The following KALRN variants were observed in gnomAD, a reference collection of about 807,000 sequenced individuals.
The protein encoded by KALRN is kalirin.
KALRN carries 70 observed loss-of-function variants against 353.7 expected under a neutral mutation model. The ratio of observed to expected loss-of-function variants is 0.20; its 90% CI spans 0.16 to 0.24. KALRN has a LOEUF of 0.24. Among genes scored for constraint, KALRN ranks in the 10% least tolerant of loss-of-function variants. KALRN has a pLI of 1.00. For missense variants in KALRN, 2,791 were observed against 3,756.7 expected (o/e 0.74, Z 6.72); for synonymous variants, 1,391 against 1,434.8 (o/e 0.97, Z 0.69).
At chr3:124,540,398 C>A (rs1380886230) in intron 33 of KALRN, among the ~76,000 whole-genome samples, 1 of 152,126 alleles carries the variant, frequency 6.6e-6, no homozygotes, top group Non-Finnish European at 1.5e-5. Flanking sequence ...TTAAAGAAAT[C>A]TGTCGTGTAG....
intron 57 of KALRN, among the ~76,000 whole-genome samples, chr3:124,712,201 A>G (rs2062923082): frequency 1.3e-5 from 2 of 152,186 alleles, no homozygotes; most frequent in Non-Finnish European, 2.9e-5. Flanking sequence ...ACCTATTGAA[A>G]TTAAAAAACA....
At chr3:124,653,025 A>C (rs1370088466) in intron 38 of KALRN, among the ~76,000 whole-genome samples, 1 of 152,184 alleles carries the variant, frequency 6.6e-6, no homozygotes, top group Non-Finnish European at 1.5e-5. Context: ...GCCAAAATCC[A>C]CACCTCTTCA....
At chr3:124,516,403 T>C (rs574636482) in intron 33 of KALRN, among the ~76,000 whole-genome samples, 19 of 152,264 alleles carry the variant, frequency 1.2e-4, no homozygotes, top group South Asian at 8.3e-4. Context: ...CTCCATGAGG[T>C]TGTGGTGCAG....
At chr3:124,608,548 C>T (rs1287809887) in intron 34 of KALRN, among the ~76,000 whole-genome samples, 1 of 152,106 alleles carries the variant, frequency 6.6e-6, no homozygotes, top group East Asian at 1.9e-4. Context: ...TCCCCTCCCT[C>T]CTGATAGTCT....
At position 124,302,887 on chromosome 3, in the gene KALRN, G is replaced by A. The variant is rs189175789; in HGVS notation, c.1092+3974G>A. ...TCTTAACCTCCTCTTTTTATGTAAA[G>A]ATACCACTCAGACTGGATTAGATCC... On this transcript the variant is annotated intron_variant, in intron 6 of 59. Coordinates refer to ENST00000682506, the MANE Select transcript of KALRN (RefSeq NM_001388419.1). 3.5e-3 allele frequency among the ~76,000 whole-genome samples: 537 copies of A among 152,224 alleles called. 5 individuals are homozygous for A. Among genetic ancestry groups the A allele is most frequent in the African/African-American group, 0.012 (518 of 41,530 alleles).
chr3:124,429,523 A>G (rs577594655), intron 15 of KALRN, among the ~76,000 whole-genome samples: 2 of 152,228 alleles, frequency 1.3e-5, no homozygotes, highest in East Asian at 3.9e-4. Flanking sequence ...CTCCAAGAAA[A>G]CTCTCAGACT....
intron 11 of KALRN, among the ~76,000 whole-genome samples, chr3:124,390,716 G>A (rs1409847401): frequency 3.3e-5 from 5 of 152,102 alleles, no homozygotes; most frequent in African/African-American, 1.2e-4. Flanking sequence ...ATCAATTGTT[G>A]TCAGCACAGT....
intron 33 of KALRN, among the ~76,000 whole-genome samples, chr3:124,555,460 A>AATAAATAT (rs1554029545): frequency 1.6e-4 from 23 of 144,744 alleles, no homozygotes; most frequent in African/African-American, 5.8e-4. Context: ...TAAATAAATA[A>AATAAATAT]ATAAAGTTAT....
chr3:124,599,914 T>C (rs2076634607), intron 34 of KALRN, among the ~76,000 whole-genome samples: 1 of 152,054 alleles, frequency 6.6e-6, no homozygotes, highest in South Asian at 2.1e-4. Context: ...TCTGCCAGAG[T>C]GTCTATGGGT....
At chr3:124,602,143 C>G (rs2076875602) in intron 34 of KALRN, among the ~76,000 whole-genome samples, 1 of 152,050 alleles carries the variant, frequency 6.6e-6, no homozygotes, top group African/African-American at 2.4e-5. Context: ...GACATTTTGG[C>G]TAAATATACT....
At position 124,584,749 on chromosome 3, in the gene KALRN, T is replaced by C. The variant is rs548224517; in HGVS notation, c.5182+21660T>C. 1.1e-5 allele frequency: 17 copies of C among 1,531,574 alleles called. No individual in the cohort carries two copies. In the African/African-American group the frequency reaches 2.1e-4, roughly 19 times the overall value. 94.9% of individuals were successfully genotyped at this position (1,531,574 alleles called of 1,614,324 possible). On this transcript the variant is annotated intron_variant, in intron 34 of 59. Coordinates refer to ENST00000682506, the MANE Select transcript of KALRN (RefSeq NM_001388419.1). The stretch of plus-strand genomic sequence containing the variant: ...CGGCTCTCGGGCGGCGGCGCTGAAG[T>C]TTCCTTCCCGCCGCGCTCTCACCCC...
chr3:124,614,136 A>C (rs2078292301), intron 34 of KALRN, among the ~76,000 whole-genome samples: 1 of 152,226 alleles, frequency 6.6e-6, no homozygotes, highest in Non-Finnish European at 1.5e-5. Flanking sequence ...GTGCCCACAA[A>C]GGCTAAAATG....
chr3:124,151,908 C>G, intron 1 of KALRN: 1 of 668,932 alleles, frequency 1.5e-6, no homozygotes, highest in Non-Finnish European at 2.6e-6. Flanking sequence ...AATTTGAGAG[C>G]AGGTACTGTT....
intron 13 of KALRN, among the ~76,000 whole-genome samples, chr3:124,407,998 C>T (rs1381517781): frequency 2.0e-4 from 31 of 152,140 alleles, no homozygotes; most frequent in Non-Finnish European, 2.9e-5. Context: ...TGGGCTCGAT[C>T]TCCTGACCTC....
chr3:124,177,808 A>T (rs1314758518), intron 1 of KALRN, among the ~76,000 whole-genome samples: 1 of 152,182 alleles, frequency 6.6e-6, no homozygotes, highest in Non-Finnish European at 1.5e-5. Flanking sequence ...AGTGGCCAGT[A>T]GCCCAGAAGT....
chr3:124,571,866 A>C (rs749599718), intron 34 of KALRN, among the ~76,000 whole-genome samples: 30 of 151,482 alleles, frequency 2.0e-4, no homozygotes, highest in Non-Finnish European at 3.4e-4. Context: ...GAGCTCAAGC[A>C]ATCTGCCTGC....
rs190536800 is a variant in KALRN, at chr3:124,385,439, A to C, written c.1962+403A>C. Among the ~76,000 whole-genome samples, 270 of 152,372 alleles carry C rather than the reference A, an allele frequency of 1.8e-3. 6 individuals are homozygous for C. In the South Asian group the frequency reaches 0.029, roughly 16 times the overall value. On this transcript the variant is annotated intron_variant, in intron 11 of 59. Transcript: ENST00000682506. ...TTCCTGTCAGAAATGAGAGTCCCAC[A>C]GAACTTGTAGGACTACCAGCAAGGA...
intron 37 of KALRN, among the ~76,000 whole-genome samples, chr3:124,638,312 C>T (rs1309834044): frequency 6.8e-6 from 1 of 147,602 alleles, no homozygotes; most frequent in Non-Finnish European, 1.5e-5. Context: ...TTATTCTTTT[C>T]CTGCTAAATT....
chr3:124,070,992 C>CT (rs11351739), intron 1 of KALRN, among the ~76,000 whole-genome samples: 6,305 of 151,706 alleles, frequency 0.042, 139 homozygotes, highest in Middle Eastern at 0.068. Context: ...CTTCCACTGT[C>CT]TTTTTTTTTT....
Sources: allele counts gnomAD v4.1 joint callset (sites outside exome capture counted in the v4.1 genomes callset), GRCh38; gene constraint gnomAD v4.1.1; transcripts MANE v1.5; gene names NCBI Gene and HGNC (gene_info 2026-07-23, HGNC 2026-07-21).